SLC25A23: variants seen among roughly 807,000 people sequenced by gnomAD.
The protein encoded by SLC25A23 is solute carrier family 25 member 23, also known as mitochondrial adenyl nucleotide antiporter SLC25A23.
In SLC25A23, 32 loss-of-function variants were observed where a neutral mutation model predicts 53.9. That is an observed-to-expected ratio of 0.59 (90% CI 0.45 to 0.80). SLC25A23 has a LOEUF of 0.80. SLC25A23 is among the 30% of genes least tolerant of loss of function. The probability of loss-of-function intolerance (pLI) is 0.00; values close to 1 mark genes in which losing one functional copy is unlikely to be tolerated. For synonymous variants in SLC25A23, 275 were observed against 264.5 expected, an observed-to-expected ratio of 1.04 and a Z score of -0.38; for missense variants, 575 against 651.4, an observed-to-expected ratio of 0.88 and a Z score of 1.28.
chr19:6,439,550 C>T (rs910141471), downstream of SLC25A23, among the ~76,000 whole-genome samples: 27 of 152,076 alleles, frequency 1.8e-4, 1 homozygote, highest in Admixed American at 1.6e-3. Context: ...ATACAGAGGC[C>T]GGGCGTGGTG....
intron 9 of SLC25A23, among the ~76,000 whole-genome samples, chr19:6,442,981 C>T (rs2092446183): frequency 6.7e-6 from 1 of 149,338 alleles, no homozygotes; most frequent in Admixed American, 6.8e-5. Flanking sequence ...TCCTGTTGCC[C>T]AGGCTGGAGT....
At position 6,452,299 on chromosome 19, in the gene SLC25A23, G is replaced by A. The variant is rs750114314; in HGVS notation, c.1071+13C>T. On this transcript the variant is annotated intron_variant, in intron 8 of 9. Coordinates refer to ENST00000301454, the MANE Select transcript of SLC25A23 (RefSeq NM_024103.3). ...GAGGGGAGCAGGGAAAGAGGAACGCGCTGCCCACAGACCTCGTAGACGGCC... is the reference window on the plus strand; with the variant it reads ...GAGGGGAGCAGGGAAAGAGGAACGCACTGCCCACAGACCTCGTAGACGGCC... 43 of 1,602,664 alleles carry A rather than the reference G, an allele frequency of 2.7e-5. No individual in the cohort carries two copies. The highest frequency in any genetic ancestry group is 1.7e-4 in the Middle Eastern group (1 of 5,880).
chr19:6,442,298 GAGTCGAGAC>G, intron 9 of SLC25A23, 139 bp from the exon 10 acceptor site: 1 of 617,584 alleles, frequency 1.6e-6, no homozygotes, highest in Non-Finnish European at 2.8e-6. Flanking sequence ...CTACCACTCA[GAGTCGAGAC>G]TTGTATTGAC....
intron 4 of SLC25A23, 66 bp downstream of exon 4, chr19:6,456,354 T>C (rs1484959916): frequency 5.3e-6 from 8 of 1,502,594 alleles, no homozygotes; most frequent in Non-Finnish European, 7.4e-6. Context: ...CCTGGGGAGA[T>C]CGGAGCAAGG....
At chr19:6,437,547 C>A (rs879622624), downstream of SLC25A23, among the ~76,000 whole-genome samples, 3 of 152,148 alleles carry the variant, frequency 2.0e-5, no homozygotes, top group African/African-American at 7.2e-5. Flanking sequence ...CAGTGGCTCA[C>A]GCCTGTAATC....
At chr19:6,439,655 CCT>C (rs995186783), downstream of SLC25A23, among the ~76,000 whole-genome samples, 1 of 151,342 alleles carries the variant, frequency 6.6e-6, no homozygotes, top group Non-Finnish European at 1.5e-5. Flanking sequence ...ATGGTAAAAC[CCT>C]GTCTCTCCTA....
chr19:6,450,487 A>G (rs2144930682), intron 8 of SLC25A23, among the ~76,000 whole-genome samples: 1 of 152,260 alleles, frequency 6.6e-6, no homozygotes, highest in African/African-American at 2.4e-5. Flanking sequence ...TGTTTATGGG[A>G]ATGGGCATTC....
In SLC25A23 at chr19:6,440,633, G is replaced by A. The variant is rs2092407580; in HGVS notation, c.*1342C>T. On this transcript the variant is annotated 3_prime_UTR_variant, in exon 10 of 10. Coordinates refer to ENST00000301454, the MANE Select transcript of SLC25A23 (RefSeq NM_024103.3). Reference sequence around the variant, plus strand: ...TGTGAAGTGTGGGGATGCAGGGAGTGGAGTGGTTCCAGGGAACAGTTTCCC... The same window carrying A: ...TGTGAAGTGTGGGGATGCAGGGAGTAGAGTGGTTCCAGGGAACAGTTTCCC... The A allele has an allele frequency of 6.6e-6, 1 of 151,950 alleles. No homozygotes were observed. The highest frequency in any genetic ancestry group is 6.6e-5 in the Admixed American group (1 of 15,206). 9.4% of individuals were successfully genotyped at this position (151,950 alleles called of 1,614,324 possible). A position where few individuals can be genotyped will look rare whatever the true frequency, so the allele number is the denominator to read the frequency against.
chr19:6,454,493 A>G lies in SLC25A23; in HGVS notation c.643-18T>C. 1 of 1,613,780 alleles carries G rather than the reference A, an allele frequency of 6.2e-7. No homozygotes were observed. The highest frequency in any genetic ancestry group is 8.5e-7 in the Non-Finnish European group (1 of 1,179,894). On this transcript the variant is annotated intron_variant, in intron 5 of 9. Transcript: ENST00000301454. The surrounding 1 kb of genome is among the most constrained non-coding windows in gnomAD (Gnocchi z 4.3). ...GCATGGACCTGAATGGGGAGACAAC[A>G]GCTTGGAGGTCCCCTCCCAGGTGTC...
At chr19:6,452,599 A>T (rs971488493) in intron 7 of SLC25A23, 120 bp from the exon 8 acceptor site, 8 of 1,199,764 alleles carry the variant, frequency 6.7e-6, no homozygotes, top group Middle Eastern at 2.0e-4. Context: ...CCGAATTTTA[A>T]AAACCACCTA....
Position 6,459,530 on chromosome 19 carries a change from C to A in SLC25A23, c.99G>T (p.Glu33Asp). The change falls in exon 1 of 10, where the codon GAG (glutamate) becomes GAT (aspartate). Residue 33 changes from glutamate (E) to aspartate (D), a missense_variant. Physicochemically the swap from Glu to Asp is conservative, Grantham distance 45 (BLOSUM62 2). Coordinates refer to ENST00000301454, the MANE Select transcript of SLC25A23 (RefSeq NM_024103.3). This position sits in a 1 kb window ranked among gnomAD's most constrained non-coding sequence, Gnocchi z 4.6. ...CCAGCCTGGCCAGCCCCTGGCGCAA[C>A]TCGTGCACGTCCACGCGGCCATCCT... ...SNKDGRVDVH[E>D]LRQGLARLGG... The A allele has an allele frequency of 6.3e-7, 1 of 1,598,882 alleles. No individual in the cohort carries two copies. The highest frequency in any genetic ancestry group is 2.3e-5 in the East Asian group (1 of 43,952).
In SLC25A23 at chr19:6,453,973, C is replaced by A; in HGVS notation, c.903+8G>T. 3 of 1,608,146 alleles carry A rather than the reference C, an allele frequency of 1.9e-6. No individual in the cohort carries two copies. The highest frequency in any genetic ancestry group is 2.5e-6 in the Non-Finnish European group (3 of 1,176,902). On this transcript the variant is annotated splice_region_variant and intron_variant, in intron 7 of 9. Transcript: ENST00000301454. Reference sequence around the variant, plus strand: ...CATGGGGCCTCCGCTGGGGTCCCTCCTTCTCACCTCCATAGGGTAAATGAT... The same window carrying A: ...CATGGGGCCTCCGCTGGGGTCCCTCATTCTCACCTCCATAGGGTAAATGAT...
chr19:6,436,401 G>C (rs749214276), downstream of SLC25A23: 41 of 455,984 alleles, frequency 9.0e-5, 1 homozygote, highest in Middle Eastern at 6.5e-4. Flanking sequence ...CAGTTACATG[G>C]CTATTGGCTG....
At chr19:6,448,879 C>A (rs2092545402) in intron 8 of SLC25A23, among the ~76,000 whole-genome samples, 1 of 151,610 alleles carries the variant, frequency 6.6e-6, no homozygotes, top group Non-Finnish European at 1.5e-5. Flanking sequence ...CAAAAATTAG[C>A]CTGGCGTGGT....
intron 4 of SLC25A23, among the ~76,000 whole-genome samples, chr19:6,455,350 C>T (rs1446591789): frequency 6.6e-6 from 1 of 152,046 alleles, no homozygotes; most frequent in African/African-American, 2.4e-5. Flanking sequence ...TATAATGATT[C>T]CAAAAGATCC....
rs2092423433 is a variant in SLC25A23 at position 6,441,731 on chromosome 19, AT to A, written c.*243del. On this transcript the variant is annotated 3_prime_UTR_variant, in exon 10 of 10. Transcript: ENST00000301454. ...GATCCACAGTTATGGTTACAGGGGG[AT>A]CTGGGATCTAGTGGCTGAAGGGTGG... is the stretch of plus-strand genomic sequence containing the variant. 3 of 547,502 alleles carry A rather than the reference AT, an allele frequency of 5.5e-6. No individual in the cohort carries two copies. Among genetic ancestry groups the A allele is most frequent in the Non-Finnish European group, 9.9e-6 (3 of 304,242 alleles). 33.9% of individuals were successfully genotyped at this position (547,502 alleles called of 1,614,324 possible). A position where few individuals can be genotyped will look rare whatever the true frequency, so the allele number is the denominator to read the frequency against.
At chr19:6,456,806 T>C (rs1260907656) in intron 3 of SLC25A23, among the ~76,000 whole-genome samples, 1 of 151,302 alleles carries the variant, frequency 6.6e-6, no homozygotes, top group Non-Finnish European at 1.5e-5. Flanking sequence ...CAGCCTCCCA[T>C]GTAGCTGGGA....
downstream of SLC25A23, among the ~76,000 whole-genome samples, chr19:6,439,358 T>C (rs2092379213): frequency 6.7e-6 from 1 of 150,230 alleles, no homozygotes; most frequent in South Asian, 2.1e-4. Flanking sequence ...CACTACCCTC[T>C]AACCTGGGCT....
At chr19:6,437,910 C>CA (rs1222700150), downstream of SLC25A23, among the ~76,000 whole-genome samples, 1,634 of 118,402 alleles carry the variant, frequency 0.014, 19 homozygotes, top group African/African-American at 0.042. Flanking sequence ...ACTAAAAATA[C>CA]AAAAAAAAAA....
Sources: gnomAD v4.1 joint callset for allele counts (sites outside exome capture counted in the v4.1 genomes callset) on GRCh38, gnomAD v4.1.1 for gene constraint, Gnocchi (gnomAD v3.1) non-coding constraint, MANE v1.5 for transcripts, NCBI Gene and HGNC (gene_info 2026-07-23, HGNC 2026-07-21) for gene names.